Variants in RANBP2 observed in about 807,000 individuals in gnomAD.
RANBP2 encodes E3 SUMO-protein ligase RanBP2.
RANBP2 carries 57 observed loss-of-function variants against 303.6 expected under a neutral mutation model. The ratio of observed to expected loss-of-function variants is 0.19; its 90% CI spans 0.15 to 0.23. The LOEUF (loss-of-function observed/expected upper bound fraction) is 0.23, where lower values mean the gene tolerates loss of function less well. RANBP2 is among the 10% of genes least tolerant of loss of function. The pLI, the probability that RANBP2 is intolerant of heterozygous loss-of-function variation, is 1.00. For missense variants in RANBP2, 3,138 were observed against 3,780.8 expected, an observed-to-expected ratio of 0.83 and a Z score of 4.46; for synonymous variants, 1,167 against 1,301.5, an observed-to-expected ratio of 0.90 and a Z score of 2.23.
At chr2:108,728,007 G>T (rs1388458385) in intron 1 of RANBP2, among the ~76,000 whole-genome samples, 1 of 152,072 alleles carries the variant, frequency 6.6e-6, no homozygotes, top group Non-Finnish European at 1.5e-5. Context: ...CTGCCTTTTT[G>T]ACTCCTTGAC....
At chr2:109,524,632 CT>C in the RANBP2 span, among the ~76,000 whole-genome samples, 6 of 151,836 alleles carry the variant, frequency 4.0e-5, no homozygotes, top group African/African-American at 1.5e-4. Context: ...TGGAGCATGC[CT>C]GTAATTCCAG....
the RANBP2 span, chr2:108,857,049 C>G: frequency 2.5e-5 from 8 of 326,410 alleles, no homozygotes; most frequent in East Asian, 6.5e-4. Flanking sequence ...TATAACTCCA[C>G]ATATCAGATA....
the RANBP2 span, among the ~76,000 whole-genome samples, chr2:109,631,990 C>T: frequency 5.3e-5 from 8 of 152,180 alleles, no homozygotes; most frequent in South Asian, 1.7e-3. Flanking sequence ...GAATTTGAGT[C>T]ACCTGACCTT....
At chr2:109,470,985 C>T in the RANBP2 span, among the ~76,000 whole-genome samples, 2 of 152,090 alleles carry the variant, frequency 1.3e-5, no homozygotes, top group South Asian at 2.1e-4. Context: ...TTTGAGAGGC[C>T]GAGGAGGGCA....
chr2:109,683,942 C>A, the RANBP2 span, among the ~76,000 whole-genome samples: 2 of 134,964 alleles, frequency 1.5e-5, no homozygotes, highest in African/African-American at 2.6e-5. Context: ...TTATTAGAAG[C>A]AAAACCCTAT....
At chr2:108,743,350 T>G (rs933948453) in intron 7 of RANBP2, among the ~76,000 whole-genome samples, 8 of 152,284 alleles carry the variant, frequency 5.3e-5, no homozygotes, top group African/African-American at 1.4e-4. Flanking sequence ...GCTCACTGCA[T>G]CCTCGAACTC....
At chr2:108,750,734 C>G (rs769382179) in intron 9 of RANBP2, among the ~76,000 whole-genome samples, 6 of 151,928 alleles carry the variant, frequency 3.9e-5, no homozygotes, top group Non-Finnish European at 7.4e-5. Flanking sequence ...ACTATAGGCA[C>G]GTGACACCAT....
At chr2:108,758,569 T>G (rs1676497723) in intron 18 of RANBP2, 21 bp downstream of exon 18, 1 of 1,610,858 alleles carries the variant, frequency 6.2e-7, no homozygotes, top group African/African-American at 1.3e-5. Flanking sequence ...AAGTGGATAA[T>G]CGCATATTTT....
chr2:109,638,074 A>G, the RANBP2 span, among the ~76,000 whole-genome samples: 4 of 152,198 alleles, frequency 2.6e-5, no homozygotes, highest in Non-Finnish European at 5.9e-5. Flanking sequence ...CATGCTAACT[A>G]TCTGGGCTAA....
the RANBP2 span, among the ~76,000 whole-genome samples, chr2:109,386,863 C>T: frequency 3.9e-5 from 6 of 152,192 alleles, no homozygotes; most frequent in East Asian, 1.9e-4. Context: ...GGGCACCTCA[C>T]GCTTTGTACA....
At chr2:109,404,471 CAG>C in the RANBP2 span, among the ~76,000 whole-genome samples, 2 of 152,126 alleles carry the variant, frequency 1.3e-5, no homozygotes. Flanking sequence ...GGGGCAGGGA[CAG>C]GGGACAGAAA....
chr2:109,144,512 T>G, the RANBP2 span, among the ~76,000 whole-genome samples: 9 of 152,346 alleles, frequency 5.9e-5, no homozygotes, highest in South Asian at 1.9e-3. Flanking sequence ...AGGCTTTGTA[T>G]GAGGGAAGAG....
At chr2:109,441,631 T>G in the RANBP2 span, among the ~76,000 whole-genome samples, 2 of 152,258 alleles carry the variant, frequency 1.3e-5, no homozygotes, top group South Asian at 4.2e-4. Context: ...GAAAAATGAT[T>G]TGAAGAAATA....
At chr2:109,544,503 A>C in the RANBP2 span, 1 of 985,378 alleles carries the variant, frequency 1.0e-6, no homozygotes, top group Non-Finnish European at 1.2e-6. Flanking sequence ...AGAGCTCTCA[A>C]AAAATATGGG....
At chr2:109,510,211 G>A in the RANBP2 span, among the ~76,000 whole-genome samples, 3 of 152,226 alleles carry the variant, frequency 2.0e-5, no homozygotes, top group East Asian at 5.8e-4. Flanking sequence ...GGTGAGAATG[G>A]CCAGGGGTAG....
the RANBP2 span, among the ~76,000 whole-genome samples, chr2:109,446,384 A>T: frequency 6.6e-6 from 1 of 152,188 alleles, no homozygotes; most frequent in Non-Finnish European, 1.5e-5. Flanking sequence ...TCCCCACCTC[A>T]TGGAGCTCCG....
At chr2:109,420,192 T>C in the RANBP2 span, among the ~76,000 whole-genome samples, 1 of 152,222 alleles carries the variant, frequency 6.6e-6, no homozygotes, top group Admixed American at 6.5e-5. Flanking sequence ...AAATTACAGC[T>C]CTTAACAGAT....
the RANBP2 span, among the ~76,000 whole-genome samples, chr2:109,382,985 C>T: frequency 6.6e-6 from 1 of 152,232 alleles, no homozygotes; most frequent in African/African-American, 2.4e-5. Flanking sequence ...ACACTCAGGA[C>T]TTGAGAGTGT....
At chr2:109,522,265 G>A in the RANBP2 span, among the ~76,000 whole-genome samples, 1 of 149,852 alleles carries the variant, frequency 6.7e-6, no homozygotes, top group Non-Finnish European at 1.5e-5. Flanking sequence ...CACCCCAAAG[G>A]TTCTCTTTTC....
Sources: gnomAD v4.1 joint callset for allele counts (sites outside exome capture counted in the v4.1 genomes callset) on GRCh38, gnomAD v4.1.1 for gene constraint, MANE v1.5 for transcripts, NCBI Gene and HGNC (gene_info 2026-07-23, HGNC 2026-07-21) for gene names.